The following AKR1B15 variants were observed in gnomAD, a reference collection of about 807,000 sequenced individuals.
AKR1B15 encodes the protein aldo-keto reductase family 1 member B15.
Under a neutral mutation model 38.5 loss-of-function variants are expected in AKR1B15, and 49 were observed. The ratio of observed to expected loss-of-function variants is 1.27; its 90% CI spans 1.01 to 1.62. The LOEUF (loss-of-function observed/expected upper bound fraction) is 1.62. Ranked by LOEUF, AKR1B15 falls within the 40% of genes most tolerant of loss-of-function variation. The pLI, the probability that AKR1B15 is intolerant of heterozygous loss-of-function variation, is 0.00. For missense variants in AKR1B15, 411 were observed against 381.6 expected (o/e 1.08, Z -0.64); for synonymous variants, 137 against 135.5 (o/e 1.01, Z -0.08).
intron 1 of AKR1B15, among the ~76,000 whole-genome samples, chr7:134,551,748 G>C (rs1418699163): frequency 6.6e-6 from 1 of 152,174 alleles, no homozygotes. Flanking sequence ...TCCCCACCAG[G>C]AAGGCCAGAA....
chr7:134,564,211 C>G (rs1039939213), intron 2 of AKR1B15, among the ~76,000 whole-genome samples: 2 of 152,168 alleles, frequency 1.3e-5, no homozygotes, highest in African/African-American at 4.8e-5. Flanking sequence ...CCTACTATCA[C>G]ACACTCTCAA....
At chr7:134,554,098 C>T (rs778293910) in intron 1 of AKR1B15, among the ~76,000 whole-genome samples, 12 of 152,220 alleles carry the variant, frequency 7.9e-5, no homozygotes, top group Admixed American at 3.3e-4. Context: ...CTCACCTCAG[C>T]AGGAAAGAGT....
At chr7:134,571,115 A>T (rs1351280933) in intron 5 of AKR1B15, among the ~76,000 whole-genome samples, 4 of 152,118 alleles carry the variant, frequency 2.6e-5, no homozygotes, top group Non-Finnish European at 5.9e-5. Context: ...CCTGCTCCTG[A>T]GGGGTGGGGG....
At chr7:134,569,243 G>A (rs1402251008) in intron 4 of AKR1B15, among the ~76,000 whole-genome samples, 170 bp from the exon 5 acceptor site, 1 of 152,198 alleles carries the variant, frequency 6.6e-6, no homozygotes, top group Non-Finnish European at 1.5e-5. Context: ...ATGTCATTGA[G>A]GTGCTGAGCC....
intron 6 of AKR1B15, among the ~76,000 whole-genome samples, chr7:134,574,749 G>A (rs1393878936): frequency 4.6e-5 from 7 of 152,190 alleles, no homozygotes; most frequent in Admixed American, 4.6e-4. Flanking sequence ...ATTATACAAA[G>A]ATTCCCTTCC....
At chr7:134,566,381 G>C (rs904650617) in intron 3 of AKR1B15, among the ~76,000 whole-genome samples, 3 of 152,178 alleles carry the variant, frequency 2.0e-5, no homozygotes, top group Non-Finnish European at 2.9e-5. Flanking sequence ...AAGTTCCCTA[G>C]GTGGTTCCTG....
chr7:134,567,253 TG>T (rs577459617), intron 3 of AKR1B15, among the ~76,000 whole-genome samples: 71 of 152,344 alleles, frequency 4.7e-4, no homozygotes, highest in African/African-American at 1.6e-3. Context: ...AAGTGCTTTT[TG>T]CCCCCATCAT....
At chr7:134,567,223 T>C (rs1361655917) in intron 3 of AKR1B15, among the ~76,000 whole-genome samples, 1 of 152,242 alleles carries the variant, frequency 6.6e-6, no homozygotes, top group African/African-American at 2.4e-5. Context: ...AAAAGACTAT[T>C]TTGTGAGAGA....
At chr7:134,565,545 G>A (rs1180627100) in intron 3 of AKR1B15, 1 of 1,613,784 alleles carries the variant, frequency 6.2e-7, no homozygotes, top group African/African-American at 1.3e-5. Context: ...GGCACTTGGA[G>A]GGTAAATATG....
chr7:134,577,839 T>A, intron 11 of AKR1B15, 53 bp downstream of exon 11: 1 of 1,581,324 alleles, frequency 6.3e-7, no homozygotes, highest in South Asian at 1.1e-5. Context: ...TCTAAACTGG[T>A]AGAGGGTTAG....
intron 8 of AKR1B15, 44 bp from the exon 9 acceptor site, chr7:134,576,305 G>T (rs779507712): frequency 1.3e-6 from 2 of 1,585,852 alleles, no homozygotes; most frequent in African/African-American, 2.7e-5. Flanking sequence ...TTCTGTACAC[G>T]GTAGCCATGG....
At chr7:134,567,129 G>A (rs1456062031) in intron 3 of AKR1B15, among the ~76,000 whole-genome samples, 7 of 152,182 alleles carry the variant, frequency 4.6e-5, no homozygotes, top group Non-Finnish European at 8.8e-5. Flanking sequence ...GTGGCAGCCC[G>A]TTTCTTGCCC....
intron 8 of AKR1B15, 37 bp from the exon 9 acceptor site, chr7:134,576,312 A>G (rs1343739845): frequency 2.3e-5 from 37 of 1,595,034 alleles, no homozygotes; most frequent in Middle Eastern, 1.9e-4. Flanking sequence ...CACGGTAGCC[A>G]TGGTGATTAT....
chr7:134,574,732 G>A (rs1192120798), intron 6 of AKR1B15, among the ~76,000 whole-genome samples: 3 of 152,202 alleles, frequency 2.0e-5, no homozygotes, highest in Non-Finnish European at 4.4e-5. Context: ...CCCAATAAAG[G>A]CTAAAAATTA....
chr7:134,558,800 C>A (rs1482336382), intron 2 of AKR1B15, among the ~76,000 whole-genome samples: 3 of 152,220 alleles, frequency 2.0e-5, no homozygotes, highest in Admixed American at 6.5e-5. Context: ...TTGGTCTAGG[C>A]TCTACCTTCT....
intron 6 of AKR1B15, among the ~76,000 whole-genome samples, chr7:134,575,118 A>G (rs1168022299): frequency 6.6e-6 from 1 of 152,298 alleles, no homozygotes. Context: ...TAAAACTTTC[A>G]TATTTCCATG....
At chr7:134,565,220 A>T in intron 3 of AKR1B15, 1 of 486,604 alleles carries the variant, frequency 2.1e-6, no homozygotes, top group Non-Finnish European at 3.6e-6. Flanking sequence ...TTTAAGAGCT[A>T]CAACGATCAC....
intron 1 of AKR1B15, among the ~76,000 whole-genome samples, chr7:134,553,717 C>G (rs1794081510): frequency 6.6e-6 from 1 of 152,240 alleles, no homozygotes; most frequent in Non-Finnish European, 1.5e-5. Flanking sequence ...TTAAATCCAG[C>G]TACCTTGTTC....
At chr7:134,570,453 A>C (rs1794644757) in intron 5 of AKR1B15, 1 of 152,152 alleles carries the variant, frequency 6.6e-6, no homozygotes, top group Non-Finnish European at 1.5e-5. Context: ...AAAATCACTA[A>C]TAAAAACTTG....
Sources: allele counts gnomAD v4.1 joint callset (sites outside exome capture counted in the v4.1 genomes callset), GRCh38; gene constraint gnomAD v4.1.1; transcripts MANE v1.5; gene names NCBI Gene and HGNC (gene_info 2026-07-23, HGNC 2026-07-21).